The following HMGCLL1 variants were observed in gnomAD, a reference collection of about 807,000 sequenced individuals.
The protein encoded by HMGCLL1 is 3-hydroxymethyl-3-methylglutaryl-CoA lyase, cytoplasmic.
Under a neutral mutation model 39.1 loss-of-function variants are expected in HMGCLL1, and 36 were observed. The ratio of observed to expected loss-of-function variants is 0.92; its 90% confidence interval spans 0.71 to 1.22. The LOEUF (loss-of-function observed/expected upper bound fraction) is 1.22, where lower values mean the gene tolerates loss of function less well. HMGCLL1 is among the 50% of genes most tolerant of loss of function. HMGCLL1 has a pLI of 0.00. For missense variants in HMGCLL1, 451 were observed against 416.5 expected, an observed-to-expected ratio of 1.08 and a Z score of -0.72; for synonymous variants, 149 against 144.0, an observed-to-expected ratio of 1.03 and a Z score of -0.25.
chr6:55,586,642 G>T, the HMGCLL1 span, among the ~76,000 whole-genome samples: 1 of 151,562 alleles, frequency 6.6e-6, no homozygotes, highest in African/African-American at 2.4e-5. Flanking sequence ...AGAACATACG[G>T]TGTTTGGTTT....
chr6:55,516,558 C>G lies in HMGCLL1; in HGVS notation c.343G>C (p.Gly115Arg), dbSNP rs778803846. ...EVMKGIHQYP[G>R]VRYPVLTPNL... is the part of the protein sequence containing the mutation. ...GGAGTAAGGACAGGATAGCGAACTCCTGGATATTGATGAATGCCTTTCATT... is the reference window on the plus strand; with the variant it reads ...GGAGTAAGGACAGGATAGCGAACTCGTGGATATTGATGAATGCCTTTCATT... Residue 115 changes from glycine (G) to arginine (R), a missense_variant, in exon 4 of 9, where the codon GGA becomes CGA. Gly to Arg is a moderately radical substitution (Grantham distance 125). Coordinates refer to ENST00000274901, the MANE Select transcript of HMGCLL1 (RefSeq NM_001042406.2). The G allele has an allele frequency of 6.2e-7, 1 of 1,603,516 alleles. No individual in the cohort carries two copies. Among genetic ancestry groups the G allele is most frequent in the South Asian group, 1.1e-5 (1 of 89,310 alleles).
the HMGCLL1 span, among the ~76,000 whole-genome samples, chr6:55,609,393 C>A: frequency 2.6e-5 from 4 of 152,144 alleles, no homozygotes; most frequent in African/African-American, 9.7e-5. Context: ...TCTCCCACAG[C>A]ACAGCACACT....
chr6:55,446,723 A>G (rs1203236712), intron 7 of HMGCLL1, among the ~76,000 whole-genome samples: 1 of 151,996 alleles, frequency 6.6e-6, no homozygotes, highest in African/African-American at 2.4e-5. Flanking sequence ...ATGGTCTTAT[A>G]ACCCAAATAA....
chr6:55,551,408 C>G (rs1188145112), intron 1 of HMGCLL1, among the ~76,000 whole-genome samples: 1 of 151,772 alleles, frequency 6.6e-6, no homozygotes, highest in Non-Finnish European at 1.5e-5. Context: ...TAGGAACAGG[C>G]CTTACTGCAT....
At chr6:55,515,802 A>C (rs1398121726) in intron 4 of HMGCLL1, among the ~76,000 whole-genome samples, 3 of 152,194 alleles carry the variant, frequency 2.0e-5, no homozygotes, top group Non-Finnish European at 2.9e-5. Flanking sequence ...CTAACAAAAT[A>C]CATTATACGA....
At chr6:55,525,217 A>G in intron 3 of HMGCLL1, among the ~76,000 whole-genome samples, 1 of 151,318 alleles carries the variant, frequency 6.6e-6, no homozygotes, top group Admixed American at 6.6e-5. Context: ...TAAAAAAAGA[A>G]TTCTAGAGGG....
chr6:55,670,746 CAT>C, the HMGCLL1 span, among the ~76,000 whole-genome samples: 40 of 151,710 alleles, frequency 2.6e-4, no homozygotes, highest in East Asian at 7.2e-3. Flanking sequence ...AAAGGGGAAA[CAT>C]ATAAAAAAAG....
At chr6:55,584,896 C>T in the HMGCLL1 span, among the ~76,000 whole-genome samples, 1 of 151,680 alleles carries the variant, frequency 6.6e-6, no homozygotes, top group Non-Finnish European at 1.5e-5. Flanking sequence ...TGTGGTACAG[C>T]CTTAAACAAT....
At chr6:55,589,395 A>C in the HMGCLL1 span, among the ~76,000 whole-genome samples, 2 of 152,204 alleles carry the variant, frequency 1.3e-5, 1 homozygote, top group South Asian at 4.1e-4. Flanking sequence ...TATTGATGGG[A>C]TGTATCTCAA....
chr6:55,437,219 C>T (rs368355028), intron 8 of HMGCLL1, among the ~76,000 whole-genome samples: 3 of 152,010 alleles, frequency 2.0e-5, no homozygotes, highest in Non-Finnish European at 1.5e-5. Context: ...AATCATTTGT[C>T]GGGTGCTTAA....
intron 1 of HMGCLL1, among the ~76,000 whole-genome samples, chr6:55,573,784 T>A (rs1771633213): frequency 6.6e-6 from 1 of 152,028 alleles, no homozygotes; most frequent in Non-Finnish European, 1.5e-5. Flanking sequence ...GAAGCAAAAA[T>A]GGTTGAAAAG....
At chr6:55,444,479 T>C (rs116568835) in intron 7 of HMGCLL1, among the ~76,000 whole-genome samples, 2,603 of 152,126 alleles carry the variant, frequency 0.017, 66 homozygotes, top group African/African-American at 0.058. Context: ...CAATGGAGAA[T>C]AGCTTTATGG....
chr6:55,645,068 T>G, the HMGCLL1 span, among the ~76,000 whole-genome samples: 19 of 152,030 alleles, frequency 1.2e-4, no homozygotes, highest in Non-Finnish European at 2.5e-4. Flanking sequence ...CCTCTCAATT[T>G]CTTTCATCAG....
At chr6:55,498,604 C>A (rs2127425878) in intron 6 of HMGCLL1, among the ~76,000 whole-genome samples, 1 of 152,174 alleles carries the variant, frequency 6.6e-6, no homozygotes, top group South Asian at 2.1e-4. Context: ...ACTTTATATA[C>A]AAATAAATTT....
At chr6:55,475,769 T>C (rs1765257107) in intron 7 of HMGCLL1, among the ~76,000 whole-genome samples, 2 of 151,730 alleles carry the variant, frequency 1.3e-5, no homozygotes, top group Admixed American at 6.6e-5. Flanking sequence ...GTTAGACTTA[T>C]AATCTTTGTG....
At chr6:55,612,965 T>C in the HMGCLL1 span, among the ~76,000 whole-genome samples, 5 of 152,106 alleles carry the variant, frequency 3.3e-5, no homozygotes, top group Non-Finnish European at 7.4e-5. Context: ...CTAATTAAAC[T>C]AAAGAGCTTC....
intron 7 of HMGCLL1, among the ~76,000 whole-genome samples, chr6:55,451,055 C>T (rs1764058233): frequency 6.6e-6 from 1 of 152,090 alleles, no homozygotes; most frequent in Non-Finnish European, 1.5e-5. Context: ...GCCCTGCTCT[C>T]ACAATAGTCT....
intron 7 of HMGCLL1, among the ~76,000 whole-genome samples, chr6:55,461,011 A>G (rs1314492734): frequency 2.0e-5 from 3 of 151,972 alleles, no homozygotes; most frequent in Non-Finnish European, 4.4e-5. Flanking sequence ...GTGTTTTATT[A>G]AGACTCTTTG....
chr6:55,527,477 G>A lies in HMGCLL1; in HGVS notation c.298-10874C>T, dbSNP rs140174611. The stretch of plus-strand genomic sequence containing the variant: ...ATTCTAGGCCTTCTGACCCTACTTC[G>A]ATAAAGGAAAGCTAATTGTATTTTT... On this transcript the variant is annotated intron_variant, in intron 3 of 8. Transcript: ENST00000274901. Among the ~76,000 whole-genome samples, 1,379 of 151,968 alleles carry A rather than the reference G, an allele frequency of 9.1e-3. 6 individuals are homozygous for A. Among genetic ancestry groups the A allele is most frequent in the Middle Eastern group, 0.014 (4 of 294 alleles).
Sources: allele counts gnomAD v4.1 joint callset (sites outside exome capture counted in the v4.1 genomes callset), GRCh38; gene constraint gnomAD v4.1.1; transcripts MANE v1.5; gene names NCBI Gene and HGNC (gene_info 2026-07-23, HGNC 2026-07-21).